The following INPP4B variants were observed in gnomAD, a reference collection of about 807,000 sequenced individuals.
INPP4B encodes inositol polyphosphate-4-phosphatase type II B, also known as inositol polyphosphate 4-phosphatase type II.
A neutral mutation model predicts 122.5 loss-of-function variants in INPP4B; 55 were observed. That is an observed-to-expected ratio of 0.45 (90% CI 0.36 to 0.56). The LOEUF is 0.56. Ranked by LOEUF, INPP4B falls within the 20% of genes least tolerant of loss-of-function variation. The pLI is 0.00. For missense variants in INPP4B, 1,000 were observed against 1,097.7 expected, an observed-to-expected ratio of 0.91 and a Z score of 1.26; for synonymous variants, 403 against 388.7, an observed-to-expected ratio of 1.04 and a Z score of -0.43.
intron 2 of INPP4B, among the ~76,000 whole-genome samples, chr4:142,645,435 A>G (rs1204371359): frequency 6.6e-6 from 1 of 152,196 alleles, no homozygotes; most frequent in Non-Finnish European, 1.5e-5. Flanking sequence ...CCCTAAATTT[A>G]GCTGGATATG....
intron 2 of INPP4B, among the ~76,000 whole-genome samples, chr4:142,649,989 G>T (rs1752598445): frequency 6.6e-6 from 1 of 152,170 alleles, no homozygotes; most frequent in Admixed American, 6.5e-5. Context: ...ACCCACAAAG[G>T]GAAGCCCATC....
intron 3 of INPP4B, among the ~76,000 whole-genome samples, chr4:142,436,729 T>C (rs541889122): frequency 6.6e-6 from 1 of 150,744 alleles, no homozygotes; most frequent in African/African-American, 2.4e-5. Context: ...AACAAAAATG[T>C]CCCCACAGAA....
At chr4:142,697,299 G>A (rs2150744971) in intron 2 of INPP4B, among the ~76,000 whole-genome samples, 1 of 152,198 alleles carries the variant, frequency 6.6e-6, no homozygotes. Flanking sequence ...CCACACCAAT[G>A]CCATCAACCT....
intron 11 of INPP4B, among the ~76,000 whole-genome samples, chr4:142,255,035 G>C (rs1159603837): frequency 6.6e-6 from 1 of 152,142 alleles, no homozygotes; most frequent in Non-Finnish European, 1.5e-5. Flanking sequence ...CCAGAAGAGA[G>C]TGGGGGCCAA....
At chr4:142,736,641 T>C (rs991153333) in intron 1 of INPP4B, among the ~76,000 whole-genome samples, 3 of 152,206 alleles carry the variant, frequency 2.0e-5, no homozygotes, top group Non-Finnish European at 4.4e-5. Context: ...TTTTTGCACA[T>C]TGGTTTTGTA....
chr4:142,468,959 T>A (rs577926887), intron 2 of INPP4B, among the ~76,000 whole-genome samples: 21 of 152,276 alleles, frequency 1.4e-4, no homozygotes, highest in African/African-American at 5.1e-4. Flanking sequence ...CACATATAGC[T>A]ACTAGAATCT....
At chr4:142,758,170 G>A (rs1405499514) in intron 1 of INPP4B, among the ~76,000 whole-genome samples, 1 of 152,128 alleles carries the variant, frequency 6.6e-6, no homozygotes, top group Non-Finnish European at 1.5e-5. Context: ...TAAAAGTGAA[G>A]AATCTTGCAA....
At chr4:142,098,113 G>C (rs148354812) in intron 23 of INPP4B, among the ~76,000 whole-genome samples, 1 of 152,240 alleles carries the variant, frequency 6.6e-6, no homozygotes, top group East Asian at 1.9e-4. Context: ...CAAAGACTTA[G>C]AGGAGGTGAG....
At chr4:142,738,305 T>G (rs1445963464) in intron 1 of INPP4B, among the ~76,000 whole-genome samples, 1 of 152,170 alleles carries the variant, frequency 6.6e-6, no homozygotes, top group Admixed American at 6.6e-5. Context: ...TCATGTCCTT[T>G]GTAGGGACAT....
intron 2 of INPP4B, among the ~76,000 whole-genome samples, chr4:142,547,357 C>G (rs747854325): frequency 6.6e-6 from 1 of 152,080 alleles, no homozygotes; most frequent in Non-Finnish European, 1.5e-5. Flanking sequence ...TCACCAAGCT[C>G]TGGGGATCTC....
intron 21 of INPP4B, among the ~76,000 whole-genome samples, chr4:142,121,917 C>T (rs1279238152): frequency 1.3e-5 from 2 of 152,076 alleles, no homozygotes; most frequent in East Asian, 3.9e-4. Context: ...ATACTCAACT[C>T]ACTACAATTT....
intron 2 of INPP4B, among the ~76,000 whole-genome samples, chr4:142,536,467 A>G (rs949770017): frequency 6.6e-6 from 1 of 152,208 alleles, no homozygotes; most frequent in Non-Finnish European, 1.5e-5. Context: ...ACAAAAGGCT[A>G]TATCATCATC....
intron 2 of INPP4B, among the ~76,000 whole-genome samples, chr4:142,720,720 GTATATATATACATATATA>G (rs1389472735): frequency 5.3e-5 from 2 of 37,800 alleles, no homozygotes; most frequent in African/African-American, 1.0e-4. Flanking sequence ...CTGTATATGT[GTATATATATACATATATA>G]TATATATATA....
intron 2 of INPP4B, among the ~76,000 whole-genome samples, chr4:142,513,562 C>G (rs1432459054): frequency 6.6e-6 from 1 of 152,148 alleles, no homozygotes; most frequent in Non-Finnish European, 1.5e-5. Context: ...CGCCTGCCAC[C>G]ATTCCCAGCT....
intron 1 of INPP4B, among the ~76,000 whole-genome samples, chr4:142,829,784 G>T (rs1172967785): frequency 6.6e-6 from 1 of 152,092 alleles, no homozygotes; most frequent in Non-Finnish European, 1.5e-5. Context: ...ACATTTACTA[G>T]CAATAGACTT....
Position 142,082,049 on chromosome 4 carries a change from G to A in INPP4B, c.2624C>T (p.Ala875Val), listed in dbSNP as rs766146483. ...HQLHKDFFIRALDCMRREGCR... is the reference protein window; with the variant it reads ...HQLHKDFFIRVLDCMRREGCR... Reference sequence around the variant, plus strand: ...GAGATACCTTCTCATGCAATCCAGCGCTCGGATAAAGAAGTCCTTGTGTAA... The same window carrying A: ...GAGATACCTTCTCATGCAATCCAGCACTCGGATAAAGAAGTCCTTGTGTAA... The change falls in exon 25 of 26, where the codon GCG (alanine) becomes GTG (valine). Residue 875 changes from alanine to valine, a missense_variant. By Grantham distance (64) the Ala-to-Val change is moderately conservative (BLOSUM62 0). Coordinates refer to ENST00000262992, the MANE Select transcript of INPP4B (RefSeq NM_001101669.3). 4 of 1,461,968 alleles carry A rather than the reference G, an allele frequency of 2.7e-6. No individual in the cohort carries two copies. The highest frequency in any genetic ancestry group is 3.5e-5 in the Admixed American group (2 of 56,816). The allele number at this position is 1,461,968 out of a possible 1,614,324, so 90.6% of individuals were successfully genotyped here.
intron 1 of INPP4B, among the ~76,000 whole-genome samples, chr4:142,822,500 C>T (rs1278200969): frequency 1.3e-5 from 2 of 152,110 alleles, no homozygotes; most frequent in African/African-American, 4.8e-5. Context: ...ATTGGATTCT[C>T]ATAGAAGTGC....
chr4:142,313,050 C>T (rs993665590), intron 8 of INPP4B, among the ~76,000 whole-genome samples: 1 of 152,148 alleles, frequency 6.6e-6, no homozygotes, highest in African/African-American at 2.4e-5. Context: ...GGCTTCCTCC[C>T]CACTGCACGT....
intron 2 of INPP4B, among the ~76,000 whole-genome samples, chr4:142,720,041 T>C (rs1225907347): frequency 6.6e-6 from 1 of 152,178 alleles, no homozygotes; most frequent in African/African-American, 2.4e-5. Flanking sequence ...AGCAGAAGTT[T>C]AGAGCTCTGG....
Sources: gnomAD v4.1 joint callset for allele counts (sites outside exome capture counted in the v4.1 genomes callset) on GRCh38, gnomAD v4.1.1 for gene constraint, MANE v1.5 for transcripts, NCBI Gene and HGNC (gene_info 2026-07-23, HGNC 2026-07-21) for gene names.